The following ERC2 variants were observed in gnomAD, a reference collection of about 807,000 sequenced individuals.
ERC2 encodes the protein ELKS/RAB6-interacting/CAST family member 2.
Under a neutral mutation model 114.8 loss-of-function variants are expected in ERC2, and 42 were observed. The observed-to-expected ratio is 0.37, with a 90% CI of 0.29 to 0.47. ERC2 has a LOEUF of 0.47. ERC2 is among the 20% of genes least tolerant of loss of function. The pLI, the probability that ERC2 is intolerant of heterozygous loss-of-function variation, is 0.99. For missense variants in ERC2, 939 were observed against 1,150.7 expected (o/e 0.82, Z 2.66); for synonymous variants, 454 against 425.5 (o/e 1.07, Z -0.82).
intron 1 of ERC2, among the ~76,000 whole-genome samples, chr3:56,458,368 G>T (rs1270541241): frequency 6.6e-6 from 1 of 152,130 alleles, no homozygotes; most frequent in African/African-American, 2.4e-5. Context: ...GTGACCCCAG[G>T]TCAGTGCTAT....
intron 6 of ERC2, among the ~76,000 whole-genome samples, chr3:56,093,489 A>G (rs1172054357): frequency 3.3e-5 from 5 of 152,156 alleles, no homozygotes; most frequent in African/African-American, 7.2e-5. Context: ...AAAAACAGCA[A>G]TCAGCGAGGA....
chr3:55,893,945 C>T (rs2149330701), intron 13 of ERC2, among the ~76,000 whole-genome samples: 1 of 152,266 alleles, frequency 6.6e-6, no homozygotes, highest in South Asian at 2.1e-4. Context: ...TCATCTGTAA[C>T]AATAGTACTT....
chr3:56,283,130 C>G (rs1462011436), intron 3 of ERC2, among the ~76,000 whole-genome samples: 1 of 152,194 alleles, frequency 6.6e-6, no homozygotes. Flanking sequence ...AGGTTTGTGC[C>G]TGGCAGGTTT....
chr3:55,512,839 C>A (rs1202316508), intron 17 of ERC2, among the ~76,000 whole-genome samples: 1 of 152,130 alleles, frequency 6.6e-6, no homozygotes, highest in East Asian at 1.9e-4. Flanking sequence ...TTCTTTCAAT[C>A]GAACAATCCA....
At chr3:55,565,839 G>T (rs1267920066) in intron 17 of ERC2, among the ~76,000 whole-genome samples, 2 of 152,190 alleles carry the variant, frequency 1.3e-5, no homozygotes, top group African/African-American at 4.8e-5. Context: ...GCCCTGAGAT[G>T]GATGTAAATA....
chr3:55,519,883 A>C (rs2052784109), intron 17 of ERC2, among the ~76,000 whole-genome samples: 1 of 151,960 alleles, frequency 6.6e-6, no homozygotes, highest in African/African-American at 2.4e-5. Flanking sequence ...ACAAAACCTC[A>C]TCTTTACAAG....
chr3:56,201,788 T>C (rs2150097102), intron 3 of ERC2, among the ~76,000 whole-genome samples: 2 of 152,330 alleles, frequency 1.3e-5, no homozygotes, highest in East Asian at 3.9e-4. Flanking sequence ...GTTAAGAATA[T>C]GCTCTTATTC....
At chr3:55,644,955 T>C (rs1459294737) in intron 17 of ERC2, among the ~76,000 whole-genome samples, 1 of 152,078 alleles carries the variant, frequency 6.6e-6, no homozygotes, top group Admixed American at 6.6e-5. Context: ...TCACTACCCA[T>C]AATTCAGCAT....
At chr3:56,373,656 T>G (rs73073974) in intron 2 of ERC2, among the ~76,000 whole-genome samples, 5,074 of 152,314 alleles carry the variant, frequency 0.033, 179 homozygotes, top group African/African-American at 0.081. Context: ...ATTTTAGTCT[T>G]TGCTAGCCAA....
chr3:55,871,275 A>G (rs2062571944), intron 14 of ERC2, among the ~76,000 whole-genome samples: 1 of 152,204 alleles, frequency 6.6e-6, no homozygotes, highest in African/African-American at 2.4e-5. Flanking sequence ...GAATTAATTA[A>G]TGCTCCAGAG....
At chr3:55,916,536 C>T (rs2065104529) in intron 13 of ERC2, among the ~76,000 whole-genome samples, 1 of 152,176 alleles carries the variant, frequency 6.6e-6, no homozygotes, top group Non-Finnish European at 1.5e-5. Flanking sequence ...TCAAAAGTTA[C>T]ACCGACTACA....
chr3:56,210,491 T>C (rs1485264279), intron 3 of ERC2, among the ~76,000 whole-genome samples: 1 of 152,238 alleles, frequency 6.6e-6, no homozygotes, highest in East Asian at 1.9e-4. Context: ...AAATGAATAA[T>C]GCATCCACAC....
intron 2 of ERC2, among the ~76,000 whole-genome samples, chr3:56,297,406 G>C (rs2055521835): frequency 6.6e-6 from 1 of 152,130 alleles, no homozygotes; most frequent in African/African-American, 2.4e-5. Flanking sequence ...AGTATTACTA[G>C]AGAGGGAAGC....
chr3:55,868,314 C>T (rs1447661069), intron 14 of ERC2, among the ~76,000 whole-genome samples: 1 of 152,064 alleles, frequency 6.6e-6, no homozygotes. Flanking sequence ...TGATATAATC[C>T]ACATCTAAAA....
At chr3:56,345,261 A>G (rs570480262) in intron 2 of ERC2, among the ~76,000 whole-genome samples, 11 of 152,300 alleles carry the variant, frequency 7.2e-5, no homozygotes, top group African/African-American at 2.6e-4. Context: ...GTTTTGTTCA[A>G]TCATTCGTTC....
At chr3:55,787,839 T>C (rs2069638374) in intron 14 of ERC2, among the ~76,000 whole-genome samples, 1 of 152,140 alleles carries the variant, frequency 6.6e-6, no homozygotes, top group Non-Finnish European at 1.5e-5. Flanking sequence ...AGAAGTGGCA[T>C]CCTCCTGAAA....
At chr3:55,739,276 G>T (rs1177718675) in intron 14 of ERC2, among the ~76,000 whole-genome samples, 1 of 152,292 alleles carries the variant, frequency 6.6e-6, no homozygotes, top group Admixed American at 6.5e-5. Context: ...TATATACCCA[G>T]TAATGGGATT....
chr3:55,571,844 A>G (rs1432523451), intron 17 of ERC2, among the ~76,000 whole-genome samples: 1 of 152,228 alleles, frequency 6.6e-6, no homozygotes, highest in Non-Finnish European at 1.5e-5. Context: ...TAGGTGCTCA[A>G]TTAATACCTG....
At chr3:55,862,051 C>CA (rs2062051875) in intron 14 of ERC2, among the ~76,000 whole-genome samples, 1 of 152,160 alleles carries the variant, frequency 6.6e-6, no homozygotes, top group Admixed American at 6.6e-5. Flanking sequence ...CTTTTAACTA[C>CA]AAAAGTGAGG....
Sources: allele counts gnomAD v4.1 joint callset (sites outside exome capture counted in the v4.1 genomes callset), GRCh38; gene constraint gnomAD v4.1.1; transcripts MANE v1.5; gene names NCBI Gene and HGNC (gene_info 2026-07-23, HGNC 2026-07-21).